Variants in NEBL observed in about 807,000 individuals in gnomAD.
NEBL encodes the protein nebulette.
In NEBL, 122 loss-of-function variants were observed where a neutral mutation model predicts 140.2. The observed-to-expected ratio is 0.87, with a 90% CI of 0.75 to 1.01. NEBL has a LOEUF of 1.01. NEBL is among the 50% of genes least tolerant of loss of function. NEBL has a pLI of 0.00. For synonymous variants in NEBL, 436 were observed against 398.9 expected (o/e 1.09, Z -1.11); for missense variants, 1,365 against 1,231.3 (o/e 1.11, Z -1.62).
chr10:20,946,776 A>G (rs932253930), intron 4 of NEBL, among the ~76,000 whole-genome samples: 1 of 152,212 alleles, frequency 6.6e-6, no homozygotes, highest in Non-Finnish European at 1.5e-5. Flanking sequence ...ACAATCTAAA[A>G]GTGGGGTAGA....
At chr10:21,210,267 G>T (rs577979193) in intron 3 of NEBL, among the ~76,000 whole-genome samples, 1 of 152,074 alleles carries the variant, frequency 6.6e-6, no homozygotes, top group Non-Finnish European at 1.5e-5. Flanking sequence ...GGTGGCAGGC[G>T]CCTGTAATCC....
chr10:21,280,589 C>T (rs1266190356), intron 1 of NEBL, among the ~76,000 whole-genome samples: 1 of 146,240 alleles, frequency 6.8e-6, no homozygotes, highest in Non-Finnish European at 1.5e-5. Flanking sequence ...ATGTAAGGGG[C>T]ATTGTAGGTA....
chr10:21,249,524 A>T (rs747038960), intron 2 of NEBL, among the ~76,000 whole-genome samples: 1 of 151,712 alleles, frequency 6.6e-6, no homozygotes, highest in Non-Finnish European at 1.5e-5. Context: ...TAGCTATTTC[A>T]CCCATTTTGA....
chr10:20,993,309 C>T lies in NEBL; in HGVS notation c.249+26808G>A, dbSNP rs574704955. On this transcript the variant is annotated intron_variant, in intron 3 of 6. Coordinates refer to the NEBL transcript ENST00000417816. ...AAAGATACCACTAAGTTATGAATGA[C>T]GTTGATTTACTGGTAAGGTGAGAAC... 2.4e-4 allele frequency among the ~76,000 whole-genome samples: 36 copies of T among 152,194 alleles called. No individual in the cohort carries two copies. In the South Asian group the frequency reaches 6.6e-3, roughly 28 times the overall value.
intron 3 of NEBL, among the ~76,000 whole-genome samples, chr10:20,998,566 G>A (rs1837760069): frequency 6.6e-6 from 1 of 152,034 alleles, no homozygotes; most frequent in South Asian, 2.1e-4. Flanking sequence ...ATAAAAGAAG[G>A]CAGGGGAAAT....
At chr10:21,083,098 C>T (rs1589217750) in intron 2 of NEBL, among the ~76,000 whole-genome samples, 1 of 152,238 alleles carries the variant, frequency 6.6e-6, no homozygotes, top group African/African-American at 2.4e-5. Flanking sequence ...TTTCATTAAG[C>T]AGGAGCGCAG....
intron 2 of NEBL, among the ~76,000 whole-genome samples, chr10:21,061,510 T>TATATTATATATCACATATTACATC (rs1378369458): frequency 7.4e-5 from 11 of 147,986 alleles, no homozygotes; most frequent in African/African-American, 2.7e-4. Context: ...TATATTACAT[T>TATATTATATATCACATATTACATC]ATATATTATA....
intron 2 of NEBL, among the ~76,000 whole-genome samples, chr10:21,050,302 T>G (rs1275983887): frequency 6.6e-6 from 1 of 152,210 alleles, no homozygotes; most frequent in Non-Finnish European, 1.5e-5. Context: ...CTTTTCTCAA[T>G]TCGGTAATCT....
At chr10:20,804,116 C>T (rs1837395490) in intron 26 of NEBL, among the ~76,000 whole-genome samples, 1 of 152,002 alleles carries the variant, frequency 6.6e-6, no homozygotes, top group Non-Finnish European at 1.5e-5. Flanking sequence ...GCCAGTACCT[C>T]TGATCTTGTT....
chr10:21,169,062 AAAAAAATATAT>A (rs1377822456), intron 2 of NEBL, among the ~76,000 whole-genome samples: 3 of 57,632 alleles, frequency 5.2e-5, no homozygotes, highest in African/African-American at 1.4e-4. Flanking sequence ...AAAAAAAAAA[AAAAAAATATAT>A]ATATATATAT....
At chr10:21,197,515 T>G (rs1459162289) in intron 3 of NEBL, among the ~76,000 whole-genome samples, 1 of 152,088 alleles carries the variant, frequency 6.6e-6, no homozygotes, top group Non-Finnish European at 1.5e-5. Context: ...TGTGAAACCA[T>G]CCCTAGAAGC....
chr10:20,884,834 C>T (rs1211519320), intron 4 of NEBL, among the ~76,000 whole-genome samples: 1 of 152,200 alleles, frequency 6.6e-6, no homozygotes, highest in Non-Finnish European at 1.5e-5. Flanking sequence ...AGAAGGATCT[C>T]GCCACCTCAT....
At chr10:21,170,656 A>T (rs1239863150) in intron 2 of NEBL, 1 of 152,642 alleles carries the variant, frequency 6.6e-6, no homozygotes, top group African/African-American at 2.4e-5. Context: ...CCCCTCTCCA[A>T]GAAAGTCCTG....
intron 2 of NEBL, among the ~76,000 whole-genome samples, chr10:21,124,370 T>C (rs984419870): frequency 1.1e-4 from 17 of 152,232 alleles, no homozygotes; most frequent in Non-Finnish European, 1.9e-4. Context: ...ACCAAAGACA[T>C]TGAAGCTAAC....
intron 2 of NEBL, among the ~76,000 whole-genome samples, chr10:21,053,869 C>G (rs1190226259): frequency 2.0e-5 from 3 of 151,946 alleles, no homozygotes; most frequent in Non-Finnish European, 4.4e-5. Context: ...CCAGTCACTA[C>G]CAAAAATACA....
At chr10:21,050,863 A>G (rs919311109) in intron 2 of NEBL, among the ~76,000 whole-genome samples, 1 of 152,198 alleles carries the variant, frequency 6.6e-6, no homozygotes, top group Non-Finnish European at 1.5e-5. Context: ...CTCTGTCTCC[A>G]GTACACAGCA....
intron 2 of NEBL, among the ~76,000 whole-genome samples, chr10:21,073,812 C>T (rs1324297916): frequency 6.6e-6 from 1 of 151,516 alleles, no homozygotes; most frequent in Non-Finnish European, 1.5e-5. Flanking sequence ...CGGTGGCTCA[C>T]GCCTGTAATC....
chr10:21,024,127 C>G (rs1838925316), intron 2 of NEBL, among the ~76,000 whole-genome samples: 1 of 150,848 alleles, frequency 6.6e-6, no homozygotes, highest in Non-Finnish European at 1.5e-5. Context: ...TTCTGCTAAT[C>G]TCATGACCAA....
rs183369071 is a variant in NEBL, at chr10:20,878,215, A to G, written c.480+2579T>C. On this transcript the variant is annotated intron_variant, in intron 5 of 27. Coordinates refer to ENST00000377122, the MANE Select transcript of NEBL (RefSeq NM_006393.3). Reference sequence around the variant, plus strand: ...CCCTCATTCTTTTCTGCTTACTCACATTACTAAAGGCACAAGAGAGAGACA... The same window carrying G: ...CCCTCATTCTTTTCTGCTTACTCACGTTACTAAAGGCACAAGAGAGAGACA... 3.0e-4 allele frequency among the ~76,000 whole-genome samples: 46 copies of G among 152,260 alleles called. 1 individual carries two copies. The East Asian group carries it at 8.1e-3, about 27-fold the overall frequency.
Sources: allele counts gnomAD v4.1 joint callset (sites outside exome capture counted in the v4.1 genomes callset), GRCh38; gene constraint gnomAD v4.1.1; transcripts MANE v1.5; gene names NCBI Gene and HGNC (gene_info 2026-07-23, HGNC 2026-07-21).